Variants in WWOX observed in about 807,000 individuals in gnomAD.
WWOX encodes WW domain containing oxidoreductase.
Under a neutral mutation model 46.2 loss-of-function variants are expected in WWOX, and 69 were observed. That is an observed-to-expected ratio of 1.49 (90% confidence interval 1.23 to 1.82). WWOX has a LOEUF of 1.82. WWOX is among the 40% of genes most tolerant of loss of function. The pLI, the probability that WWOX is intolerant of heterozygous loss-of-function variation, is 0.00. For missense variants in WWOX, 919 were observed against 542.6 expected, an observed-to-expected ratio of 1.69 and a Z score of -6.89; for synonymous variants, 359 against 202.6, an observed-to-expected ratio of 1.77 and a Z score of -6.56.
intron 8 of WWOX, among the ~76,000 whole-genome samples, chr16:78,830,904 G>A (rs1597687737): frequency 2.6e-5 from 4 of 152,112 alleles, no homozygotes; most frequent in East Asian, 1.9e-4. Context: ...GGTCAGGTGC[G>A]TCTTCTTCAT....
intron 5 of WWOX, among the ~76,000 whole-genome samples, chr16:78,293,406 T>C (rs1347615841): frequency 3.9e-5 from 6 of 152,226 alleles, no homozygotes; most frequent in African/African-American, 1.4e-4. Context: ...CCTGCTCTTC[T>C]GTATCCCCTG....
intron 8 of WWOX, among the ~76,000 whole-genome samples, chr16:79,091,010 C>T (rs1163959320): frequency 6.6e-6 from 1 of 152,018 alleles, no homozygotes; most frequent in Non-Finnish European, 1.5e-5. Context: ...CTGGTCTCAA[C>T]CTCCTGACCT....
At chr16:78,923,365 C>G (rs80216025) in intron 8 of WWOX, among the ~76,000 whole-genome samples, 3,248 of 152,214 alleles carry the variant, frequency 0.021, 124 homozygotes, top group African/African-American at 0.074. Context: ...ATCATTATTT[C>G]TAGTTCAGAT....
chr16:78,889,482 G>C (rs1449728290), intron 8 of WWOX, among the ~76,000 whole-genome samples: 4 of 151,960 alleles, frequency 2.6e-5, no homozygotes, highest in Admixed American at 2.6e-4. Flanking sequence ...CTTGGCGGTT[G>C]ATGCTAGACT....
chr16:78,722,393 G>A (rs558339387), intron 8 of WWOX, among the ~76,000 whole-genome samples: 4 of 152,176 alleles, frequency 2.6e-5, no homozygotes, highest in Non-Finnish European at 5.9e-5. Flanking sequence ...TAAGGATTCA[G>A]TGATGGAGAA....
intron 8 of WWOX, among the ~76,000 whole-genome samples, chr16:78,462,772 C>T (rs183936279): frequency 6.6e-6 from 1 of 152,358 alleles, no homozygotes; most frequent in East Asian, 1.9e-4. Context: ...GTCCTGCCGC[C>T]TGGACTAGTT....
chr16:78,913,509 A>G (rs1018969881), intron 8 of WWOX, among the ~76,000 whole-genome samples: 6 of 151,992 alleles, frequency 3.9e-5, no homozygotes, highest in Non-Finnish European at 8.8e-5. Flanking sequence ...CACAAGCTGG[A>G]TAGAGCCAGG....
intron 8 of WWOX, among the ~76,000 whole-genome samples, chr16:78,563,818 G>A (rs1183499644): frequency 6.6e-6 from 1 of 152,098 alleles, no homozygotes; most frequent in Non-Finnish European, 1.5e-5. Flanking sequence ...CCCTGCATAT[G>A]TACATCCTTG....
At position 79,071,758 on chromosome 16, in the gene WWOX, C is replaced by G. The variant is rs550766435; in HGVS notation, c.1057-139850C>G. On this transcript the variant is annotated intron_variant, in intron 8 of 8. Transcript: ENST00000566780. ...TGCTTCAAGTAATTGATCTGTTGGC[C>G]TAAAAATGAGTGGCTCTGATTCAGA... Among the ~76,000 whole-genome samples the G allele has an allele frequency of 3.9e-5, 6 of 152,312 alleles. 1 individual carries two copies. The highest frequency in any genetic ancestry group is 1.2e-4 in the African/African-American group (5 of 41,564).
chr16:78,981,192 G>A (rs2046674367), intron 8 of WWOX, among the ~76,000 whole-genome samples: 1 of 152,142 alleles, frequency 6.6e-6, no homozygotes, highest in Admixed American at 6.5e-5. Flanking sequence ...TCTCCATGAT[G>A]TCCTGGCTGT....
Position 78,826,020 on chromosome 16 carries a change from G to C in WWOX, c.1057-385588G>C, listed in dbSNP as rs2151150636. The stretch of plus-strand genomic sequence containing the variant: ...CCCATAGCATAACGGGCTGTCCTTG[G>C]CAGTTGTATTCGGAGTCTGGATGTT... On this transcript the variant is annotated intron_variant, in intron 8 of 8. Transcript: ENST00000566780. 9.3e-6 allele frequency: 5 copies of C among 537,434 alleles called. No homozygotes were observed. The East Asian group carries it at 1.6e-4, about 17-fold the overall frequency. The allele number at this position is 537,434 out of a possible 1,614,324, so 33.3% of individuals were successfully genotyped here. A position where few individuals can be genotyped will look rare whatever the true frequency, so the allele number is the denominator to read the frequency against.
chr16:79,119,819 A>G (rs1482398662), intron 8 of WWOX, among the ~76,000 whole-genome samples: 1 of 152,176 alleles, frequency 6.6e-6, no homozygotes, highest in Non-Finnish European at 1.5e-5. Flanking sequence ...TAGGATCAAG[A>G]GGCCAGAGAA....
intron 8 of WWOX, among the ~76,000 whole-genome samples, chr16:79,007,324 C>T (rs930221480): frequency 6.6e-6 from 1 of 152,158 alleles, no homozygotes; most frequent in Admixed American, 6.5e-5. Context: ...AACTCTAAAA[C>T]ATGAGGAAAG....
At chr16:78,710,411 GC>G (rs1389305749) in intron 8 of WWOX, among the ~76,000 whole-genome samples, 1 of 140,356 alleles carries the variant, frequency 7.1e-6, no homozygotes, top group Admixed American at 7.8e-5. Context: ...TGCAGCATTG[GC>G]CACACCAGTG....
intron 8 of WWOX, among the ~76,000 whole-genome samples, chr16:78,719,871 G>A (rs1380345665): frequency 6.6e-6 from 1 of 152,000 alleles, no homozygotes; most frequent in African/African-American, 2.4e-5. Context: ...GCATTTATTG[G>A]CAGTATTTTT....
intron 8 of WWOX, among the ~76,000 whole-genome samples, chr16:78,531,273 C>T (rs1181014946): frequency 2.0e-5 from 3 of 152,096 alleles, no homozygotes; most frequent in African/African-American, 7.2e-5. Context: ...GAAGGGTTTC[C>T]ATTCTCCGAG....
At chr16:78,615,723 G>C (rs1031346103) in intron 8 of WWOX, among the ~76,000 whole-genome samples, 1 of 151,132 alleles carries the variant, frequency 6.6e-6, no homozygotes, top group Non-Finnish European at 1.5e-5. Flanking sequence ...AGGGAAGGAA[G>C]AAATGCTGTT....
intron 8 of WWOX, among the ~76,000 whole-genome samples, chr16:78,887,342 TC>T (rs1306961655): frequency 6.6e-6 from 1 of 151,900 alleles, no homozygotes; most frequent in Non-Finnish European, 1.5e-5. Context: ...AGCTTTTCTT[TC>T]CCCTCTCTCC....
intron 5 of WWOX, among the ~76,000 whole-genome samples, chr16:78,385,383 G>C (rs2082041102): frequency 6.6e-6 from 1 of 152,152 alleles, no homozygotes; most frequent in African/African-American, 2.4e-5. Context: ...AAATTAATTA[G>C]ATAATTTGTC....
Sources: gnomAD v4.1 joint callset for allele counts (sites outside exome capture counted in the v4.1 genomes callset) on GRCh38, gnomAD v4.1.1 for gene constraint, MANE v1.5 for transcripts, NCBI Gene and HGNC (gene_info 2026-07-23, HGNC 2026-07-21) for gene names.